The following CAMK4 variants were observed in gnomAD, a reference collection of about 807,000 sequenced individuals.
CAMK4 encodes calcium/calmodulin dependent protein kinase IV, also known as calcium/calmodulin-dependent protein kinase type IV.
A neutral mutation model predicts 44.9 loss-of-function variants in CAMK4; 22 were observed. The ratio of observed to expected loss-of-function variants is 0.49; its 90% confidence interval spans 0.35 to 0.70. CAMK4 has a LOEUF of 0.70. Ranked by LOEUF, CAMK4 falls within the 30% of genes least tolerant of loss-of-function variation. The pLI, the probability that CAMK4 is intolerant of heterozygous loss-of-function variation, is 0.01. For missense variants in CAMK4, 498 were observed against 586.8 expected, an observed-to-expected ratio of 0.85 and a Z score of 1.56; for synonymous variants, 218 against 215.4, an observed-to-expected ratio of 1.01 and a Z score of -0.11.
At position 111,466,380 on chromosome 5, in the gene CAMK4, T is replaced by A. The variant is rs557458736; in HGVS notation, c.626-6931T>A. 1.8e-4 allele frequency among the ~76,000 whole-genome samples: 27 copies of A among 152,036 alleles called. 1 individual carries two copies. The highest frequency in any genetic ancestry group is 3.4e-3 in the Middle Eastern group (1 of 294). On this transcript the variant is annotated intron_variant, in intron 7 of 10. Transcript: ENST00000282356. ...TCAGACAAGAGAAAGAAATAAAAGG[T>A]ATCCAAATCGGTAATGAGGAAGTCA...
At chr5:111,421,613 A>T (rs949494641) in intron 5 of CAMK4, among the ~76,000 whole-genome samples, 2 of 152,150 alleles carry the variant, frequency 1.3e-5, no homozygotes, top group Non-Finnish European at 1.5e-5. Flanking sequence ...GTATTTAGTC[A>T]AGTAGTTATT....
At chr5:111,328,343 G>A (rs1454116708) in intron 1 of CAMK4, among the ~76,000 whole-genome samples, 5 of 151,636 alleles carry the variant, frequency 3.3e-5, no homozygotes, top group Non-Finnish European at 5.9e-5. Context: ...TTATTTCTGA[G>A]GGCTCTGTTC....
At chr5:111,465,866 C>A (rs1263850255) in intron 7 of CAMK4, among the ~76,000 whole-genome samples, 1 of 152,160 alleles carries the variant, frequency 6.6e-6, no homozygotes, top group Non-Finnish European at 1.5e-5. Context: ...CAGTATCACC[C>A]TAATATCAAA....
chr5:111,344,243 C>A, intron 2 of CAMK4, 141 bp downstream of exon 2: 1 of 509,878 alleles, frequency 2.0e-6, no homozygotes, highest in Non-Finnish European at 3.5e-6. Flanking sequence ...GAGTGCAACC[C>A]AAATAGGTTG....
chr5:111,489,250 A>C lies in CAMK4; in HGVS notation c.*4784A>C, dbSNP rs1337477392. 1.3e-5 allele frequency: 2 copies of C among 152,194 alleles called. No homozygotes were observed. The highest frequency in any genetic ancestry group is 2.9e-5 in the Non-Finnish European group (2 of 68,032). The allele number at this position is 152,194 out of a possible 1,614,324, so 9.4% of individuals were successfully genotyped here. On this transcript the variant is annotated 3_prime_UTR_variant, in exon 11 of 11. Coordinates refer to ENST00000282356, the MANE Select transcript of CAMK4 (RefSeq NM_001744.6). ...TGAATTTTTGTCTCCTTGGCAAATA[A>C]GAAAAAAAAGGAGAGAGACCACTGG...
chr5:111,286,349 T>C (rs969671549), intron 1 of CAMK4, among the ~76,000 whole-genome samples: 11 of 152,214 alleles, frequency 7.2e-5, no homozygotes, highest in African/African-American at 2.7e-4. Flanking sequence ...AGATGATTTT[T>C]ACTTGAAAAT....
chr5:111,373,250 C>T (rs970298378), intron 2 of CAMK4, among the ~76,000 whole-genome samples: 7 of 151,956 alleles, frequency 4.6e-5, no homozygotes, highest in East Asian at 1.9e-4. Context: ...ATTGCGTATA[C>T]GGGTGAAATA....
In CAMK4 at chr5:111,293,658, C is replaced by T. The variant is rs539427882; in HGVS notation, c.162-50366C>T. 3.6e-4 allele frequency among the ~76,000 whole-genome samples: 54 copies of T among 151,186 alleles called. No homozygotes were observed. The South Asian group carries it at 0.01, about 28-fold the overall frequency. On this transcript the variant is annotated intron_variant, in intron 1 of 10. Coordinates refer to ENST00000282356, the MANE Select transcript of CAMK4 (RefSeq NM_001744.6). ...GCCAGGCTGGTCTCGAACTACTGAC[C>T]TTGTGATCCACCCGCCTCAGCCTCC...
intron 2 of CAMK4, among the ~76,000 whole-genome samples, chr5:111,347,579 C>G: frequency 6.6e-6 from 1 of 151,924 alleles, no homozygotes. Context: ...TGGCAGTCCC[C>G]TAAGTGGGGT....
intron 5 of CAMK4, among the ~76,000 whole-genome samples, chr5:111,427,460 T>C (rs1753267969): frequency 6.6e-6 from 1 of 152,168 alleles, no homozygotes; most frequent in Non-Finnish European, 1.5e-5. Context: ...GCAGCTCTGA[T>C]TCCAGAACTT....
chr5:111,471,386 C>T (rs1755060635), intron 7 of CAMK4, among the ~76,000 whole-genome samples: 1 of 152,154 alleles, frequency 6.6e-6, no homozygotes, highest in Non-Finnish European at 1.5e-5. Flanking sequence ...TGGGCTTTGT[C>T]TTCAACATTG....
At chr5:111,268,297 A>G (rs1053610243) in intron 1 of CAMK4, among the ~76,000 whole-genome samples, 3 of 152,190 alleles carry the variant, frequency 2.0e-5, no homozygotes, top group Non-Finnish European at 4.4e-5. Context: ...TTCTTATTCA[A>G]ATAAGAATTG....
chr5:111,333,098 G>A (rs1406792974), intron 1 of CAMK4, among the ~76,000 whole-genome samples: 1 of 151,520 alleles, frequency 6.6e-6, no homozygotes, highest in Admixed American at 6.6e-5. Context: ...AAAAACAATG[G>A]TATATATTGC....
chr5:111,436,330 G>A (rs35037336), intron 5 of CAMK4, among the ~76,000 whole-genome samples: 2 of 152,028 alleles, frequency 1.3e-5, no homozygotes, highest in Admixed American at 1.3e-4. Flanking sequence ...TCTCCACTCT[G>A]ACTTAGTATG....
intron 1 of CAMK4, among the ~76,000 whole-genome samples, chr5:111,297,011 T>C (rs755992456): frequency 6.6e-6 from 1 of 152,214 alleles, no homozygotes; most frequent in Non-Finnish European, 1.5e-5. Context: ...CTTATAATTA[T>C]TTAGAATTGG....
intron 1 of CAMK4, among the ~76,000 whole-genome samples, chr5:111,267,920 T>C (rs969914193): frequency 1.3e-5 from 2 of 152,228 alleles, no homozygotes; most frequent in Non-Finnish European, 2.9e-5. Context: ...CTGTATTATT[T>C]ATTTGTCTGG....
intron 1 of CAMK4, among the ~76,000 whole-genome samples, chr5:111,229,552 C>CT (rs1223788048): frequency 2.6e-5 from 4 of 152,150 alleles, no homozygotes; most frequent in South Asian, 4.2e-4. Context: ...ACAGATTCTC[C>CT]TTTTTTTTGG....
In CAMK4 at chr5:111,478,679, C is replaced by G. The variant is rs75581498; in HGVS notation, c.828+172C>G. Among the ~76,000 whole-genome samples, 3,627 of 152,036 alleles carry G rather than the reference C, an allele frequency of 0.024. 87 individuals carry two copies. The highest frequency in any genetic ancestry group is 0.07 in the African/African-American group (2,919 of 41,474). ...ATACATTTTCCTTAGAGAATAAAAACTAGATATGTTTTTGACTCATCACTA... is the reference window on the plus strand; with the variant it reads ...ATACATTTTCCTTAGAGAATAAAAAGTAGATATGTTTTTGACTCATCACTA... On this transcript the variant is annotated intron_variant, in intron 9 of 10. Coordinates refer to ENST00000282356, the MANE Select transcript of CAMK4 (RefSeq NM_001744.6).
At chr5:111,335,215 C>T (rs1439811806) in intron 1 of CAMK4, among the ~76,000 whole-genome samples, 1 of 151,490 alleles carries the variant, frequency 6.6e-6, no homozygotes, top group Non-Finnish European at 1.5e-5. Flanking sequence ...CCACTATGTC[C>T]TCTCCTAGAA....
Sources: allele counts gnomAD v4.1 joint callset (sites outside exome capture counted in the v4.1 genomes callset), GRCh38; gene constraint gnomAD v4.1.1; transcripts MANE v1.5; gene names NCBI Gene and HGNC (gene_info 2026-07-23, HGNC 2026-07-21).